PLEKHA7: variants seen among roughly 807,000 people sequenced by gnomAD.
The protein encoded by PLEKHA7 is pleckstrin homology domain-containing family A member 7.
In PLEKHA7, 104 loss-of-function variants were observed where a neutral mutation model predicts 170.0. The observed-to-expected ratio is 0.61, with a 90% CI of 0.52 to 0.72. The LOEUF is 0.72. PLEKHA7 is among the 30% of genes least tolerant of loss of function. The probability of loss-of-function intolerance (pLI) is 0.00; values close to 1 mark genes in which losing one functional copy is unlikely to be tolerated. For missense variants in PLEKHA7, 1,615 were observed against 1,671.7 expected, an observed-to-expected ratio of 0.97 and a Z score of 0.59; for synonymous variants, 648 against 660.8, an observed-to-expected ratio of 0.98 and a Z score of 0.30.
intron 17 of PLEKHA7, 100 bp from the exon 18 acceptor site, chr11:16,795,118 G>T: frequency 1.2e-6 from 1 of 846,712 alleles, no homozygotes; most frequent in Non-Finnish European, 2.0e-6. Context: ...GCCCTGAGGG[G>T]CAGCATCCCC....
At chr11:16,848,283 C>T (rs1049196038) in intron 8 of PLEKHA7, among the ~76,000 whole-genome samples, 1 of 152,200 alleles carries the variant, frequency 6.6e-6, no homozygotes, top group Non-Finnish European at 1.5e-5. Context: ...GTTTCCCTAG[C>T]GTCTGTTATA....
chr11:16,871,219 T>C (rs1854816309), intron 3 of PLEKHA7, 37 bp from the exon 4 acceptor site: 2 of 1,511,170 alleles, frequency 1.3e-6, no homozygotes, highest in African/African-American at 1.4e-5. Context: ...AGAATTCGTG[T>C]GAATGGAAGG....
chr11:16,986,777 C>T (rs1467206232), intron 3 of PLEKHA7, among the ~76,000 whole-genome samples: 1 of 152,166 alleles, frequency 6.6e-6, no homozygotes, highest in Non-Finnish European at 1.5e-5. Flanking sequence ...CCCACCTCTA[C>T]CAACATCCTG....
chr11:16,949,473 G>A (rs968257294), intron 3 of PLEKHA7, among the ~76,000 whole-genome samples: 10 of 152,154 alleles, frequency 6.6e-5, no homozygotes, highest in African/African-American at 2.4e-4. Flanking sequence ...AATAAATCTG[G>A]GTATGGCCCT....
intron 8 of PLEKHA7, among the ~76,000 whole-genome samples, chr11:16,845,574 C>T (rs1852329053): frequency 6.6e-6 from 1 of 152,130 alleles, no homozygotes; most frequent in South Asian, 2.1e-4. Context: ...ATCATGTTGC[C>T]CAGGCTGGTC....
chr11:16,825,981 G>T, intron 10 of PLEKHA7, 139 bp downstream of exon 10: 1 of 914,292 alleles, frequency 1.1e-6, no homozygotes, highest in Non-Finnish European at 1.7e-6. Flanking sequence ...TTCTTGCAGG[G>T]TTGTTACAGG....
chr11:16,811,827 CTGCCCTGGCCACAACCACTG>C (rs1849394235), intron 13 of PLEKHA7, among the ~76,000 whole-genome samples: 1 of 152,204 alleles, frequency 6.6e-6, no homozygotes, highest in Non-Finnish European at 1.5e-5. Flanking sequence ...CTCCCCTCTG[CTGCCCTGGCCACAACCACTG>C]TGCCCTGGCT....
rs776976801 is a variant in PLEKHA7 at position 16,826,264 on chromosome 11, G to A, written c.1199C>T (p.Ser400Leu). 1.1e-5 allele frequency: 18 copies of A among 1,614,226 alleles called. No homozygotes were observed. Among genetic ancestry groups the A allele is most frequent in the Non-Finnish European group, 1.5e-5 (18 of 1,180,044 alleles). ...RAEKNGMLPA[S>L]YGPGEQNGTG... ...CCCATTCTGTTCTCCTGGGCCATAT[G>A]AGGCAGGCAGCATTCCATTCTTCTC... The change falls in exon 10 of 27, where the codon TCA becomes TTA. Residue 400 changes from serine to leucine, a missense_variant. Ser to Leu is a moderately radical substitution (Grantham distance 145, BLOSUM62 -2). Coordinates refer to ENST00000531066, the MANE Select transcript of PLEKHA7 (RefSeq NM_001329630.2).
At position 16,778,851 on chromosome 11, in the gene PLEKHA7, T is replaced by G; in HGVS notation, c.*147A>C. ...GTGCATATTAGGGCCTGGCCTGTGG[T>G]GAACACCCGCAGTCGGTAAGCTGCT... is the stretch of plus-strand genomic sequence containing the variant. On this transcript the variant is annotated 3_prime_UTR_variant, in exon 27 of 27. Coordinates refer to ENST00000531066, the MANE Select transcript of PLEKHA7 (RefSeq NM_001329630.2). The G allele has an allele frequency of 3.0e-6, 2 of 672,820 alleles. No individual in the cohort carries two copies. The allele number at this position is 672,820 out of a possible 1,614,324, so 41.7% of individuals were successfully genotyped here.
At chr11:16,896,813 A>G (rs1273171601) in intron 3 of PLEKHA7, among the ~76,000 whole-genome samples, 1 of 152,140 alleles carries the variant, frequency 6.6e-6, no homozygotes, top group Non-Finnish European at 1.5e-5. Flanking sequence ...GGGGTGTCTC[A>G]GTATCTTTGC....
chr11:16,801,153 G>T, intron 16 of PLEKHA7, 78 bp from the exon 17 acceptor site: 1 of 1,197,670 alleles, frequency 8.3e-7, no homozygotes, highest in Non-Finnish European at 1.2e-6. Flanking sequence ...CTGTACTCCT[G>T]ACCATGCTGA....
intron 3 of PLEKHA7, among the ~76,000 whole-genome samples, chr11:16,923,984 C>A (rs926915037): frequency 1.3e-5 from 2 of 152,156 alleles, no homozygotes; most frequent in African/African-American, 4.8e-5. Context: ...AAGGCCCTGG[C>A]TGGGGTAAAA....
At chr11:16,801,198 G>T in intron 16 of PLEKHA7, 123 bp from the exon 17 acceptor site, 3 of 816,402 alleles carry the variant, frequency 3.7e-6, no homozygotes, top group South Asian at 1.5e-5. Flanking sequence ...GACCGGGCAG[G>T]CCTGGTGGGA....
chr11:16,975,703 G>A (rs4757462), intron 3 of PLEKHA7, among the ~76,000 whole-genome samples: 27,701 of 152,096 alleles, frequency 0.18, 2,935 homozygotes, highest in South Asian at 0.31. Flanking sequence ...TAGATACACA[G>A]AGATAGACAA....
At chr11:16,837,170 A>T (rs1366490478) in intron 9 of PLEKHA7, among the ~76,000 whole-genome samples, 4 of 152,158 alleles carry the variant, frequency 2.6e-5, no homozygotes, top group Non-Finnish European at 5.9e-5. Context: ...AAACATGATC[A>T]TGGAGTTTTA....
chr11:16,963,716 T>C (rs4757454), intron 3 of PLEKHA7, among the ~76,000 whole-genome samples: 126,161 of 152,110 alleles, frequency 0.83, 52,772 homozygotes, highest in South Asian at 0.9. Flanking sequence ...CCCATTCGAG[T>C]AGCCCTAATC....
chr11:16,835,342 G>C (rs1851433296), intron 9 of PLEKHA7, among the ~76,000 whole-genome samples: 1 of 152,140 alleles, frequency 6.6e-6, no homozygotes, highest in African/African-American at 2.4e-5. Context: ...GAAGAGGCTG[G>C]GGGAAGTGGG....
chr11:16,856,024 C>A (rs1853422362), intron 4 of PLEKHA7, 110 bp from the exon 5 acceptor site: 6 of 867,272 alleles, frequency 6.9e-6, no homozygotes, highest in African/African-American at 1.7e-5. Context: ...AACAACCCAA[C>A]CCTGATTGTT....
Position 16,791,260 on chromosome 11 carries a change from G to A in PLEKHA7, c.2746-61C>T. The A allele has an allele frequency of 6.8e-7, 1 of 1,459,996 alleles. No individual in the cohort carries two copies. Among genetic ancestry groups the A allele is most frequent in the South Asian group, 1.3e-5 (1 of 74,212 alleles). 90.4% of individuals were successfully genotyped at this position (1,459,996 alleles called of 1,614,324 possible). A position where few individuals can be genotyped will look rare whatever the true frequency, so the allele number is the denominator to read the frequency against. On this transcript the variant is annotated intron_variant, in intron 19 of 26. Transcript: ENST00000531066. This position sits in a 1 kb window ranked among gnomAD's most constrained non-coding sequence, Gnocchi z 4.5. ...GACGGAGCTGGAGGGAGGACTGCTA[G>A]GTACTGCCACAGTGGAGGTTTAAAG... is the stretch of plus-strand genomic sequence containing the variant.
Sources: allele counts gnomAD v4.1 joint callset (sites outside exome capture counted in the v4.1 genomes callset), GRCh38; gene constraint gnomAD v4.1.1; non-coding constraint Gnocchi (gnomAD v3.1); transcripts MANE v1.5; gene names NCBI Gene and HGNC (gene_info 2026-07-23, HGNC 2026-07-21).